TGFB3: variants seen among roughly 807,000 people sequenced by gnomAD.
The protein encoded by TGFB3 is transforming growth factor beta 3, also known as transforming growth factor beta-3 proprotein.
TGFB3 carries 5 observed loss-of-function variants against 40.1 expected under a neutral mutation model. The ratio of observed to expected loss-of-function variants is 0.12; its 90% CI spans 0.07 to 0.26. The LOEUF (loss-of-function observed/expected upper bound fraction) is 0.26, where lower values mean the gene tolerates loss of function less well. Ranked by LOEUF, TGFB3 falls within the 10% of genes least tolerant of loss-of-function variation. The pLI is 1.00. For synonymous variants in TGFB3, 184 were observed against 205.6 expected, an observed-to-expected ratio of 0.89 and a Z score of 0.90; for missense variants, 373 against 530.1, an observed-to-expected ratio of 0.70 and a Z score of 2.91.
intron 6 of TGFB3, 183 bp downstream of exon 6, chr14:75,960,740 A>C (rs1298371404): frequency 4.1e-6 from 3 of 723,550 alleles, no homozygotes; most frequent in African/African-American, 1.8e-5. Flanking sequence ...GGAATTTAAA[A>C]GGGCAGAATG....
intron 3 of TGFB3, among the ~76,000 whole-genome samples, chr14:75,968,776 TCAGC>T (rs2035252085): frequency 6.6e-6 from 1 of 152,202 alleles, no homozygotes; most frequent in African/African-American, 2.4e-5. Context: ...ATCTGCCAAC[TCAGC>T]CACTGGATAA....
At chr14:75,976,333 A>T (rs1454231121) in intron 1 of TGFB3, among the ~76,000 whole-genome samples, 2 of 152,068 alleles carry the variant, frequency 1.3e-5, no homozygotes, top group African/African-American at 4.8e-5. Context: ...TTTTTTCAAG[A>T]TCTCCAGATG....
chr14:75,965,500 T>G, intron 4 of TGFB3, 88 bp downstream of exon 4: 92 of 1,145,112 alleles, frequency 8.0e-5, no homozygotes, highest in Non-Finnish European at 1.0e-4. Context: ...TTTCTTTTCT[T>G]GAGGTCTGGT....
At chr14:75,972,159 G>T (rs1233098455) in intron 1 of TGFB3, among the ~76,000 whole-genome samples, 1 of 152,208 alleles carries the variant, frequency 6.6e-6, no homozygotes, top group African/African-American at 2.4e-5. Flanking sequence ...GTATTGAGCA[G>T]CTACTATATG....
chr14:75,969,766 A>G (rs1594787006), intron 3 of TGFB3, among the ~76,000 whole-genome samples: 1 of 152,170 alleles, frequency 6.6e-6, no homozygotes, highest in African/African-American at 2.4e-5. Flanking sequence ...CCCTATTTCA[A>G]TAAGTGATAC....
At chr14:75,972,020 C>T (rs539740605) in intron 1 of TGFB3, among the ~76,000 whole-genome samples, 4 of 152,318 alleles carry the variant, frequency 2.6e-5, no homozygotes, top group South Asian at 2.1e-4. Context: ...TTTTCCAACC[C>T]GTTTTTCCTA....
At chr14:75,977,277 C>T (rs940540052) in intron 1 of TGFB3, among the ~76,000 whole-genome samples, 14 of 152,150 alleles carry the variant, frequency 9.2e-5, no homozygotes, top group African/African-American at 3.1e-4. Flanking sequence ...TAAAATGACA[C>T]CTACATTGGT....
Position 75,971,354 on chromosome 14 carries a change from G to T in TGFB3, c.517-99C>A. 6.3e-7 allele frequency: 1 copy of T among 1,582,322 alleles called. No homozygotes were observed. The highest frequency in any genetic ancestry group is 8.6e-7 in the Non-Finnish European group (1 of 1,157,662). ...CAGGTGAGGGAGCGATAGGAAACCA[G>T]TGGTTCCTGAATGCCATGGCCCTCG... On this transcript the variant is annotated intron_variant, in intron 2 of 6. Coordinates refer to ENST00000238682, the MANE Select transcript of TGFB3 (RefSeq NM_003239.5). The surrounding 1 kb of genome is among the most constrained non-coding windows in gnomAD (Gnocchi z 4.5).
intron 4 of TGFB3, among the ~76,000 whole-genome samples, chr14:75,964,536 G>A (rs1171294353): frequency 1.3e-5 from 2 of 152,174 alleles, no homozygotes; most frequent in African/African-American, 4.8e-5. Flanking sequence ...TTTTGCGAAG[G>A]ACAGCTGCCA....
intron 1 of TGFB3, among the ~76,000 whole-genome samples, chr14:75,976,545 T>C (rs946882136): frequency 5.3e-5 from 8 of 152,134 alleles, no homozygotes; most frequent in African/African-American, 1.9e-4. Context: ...CCATAAACAT[T>C]TTAAGCCCAT....
Position 75,958,919 on chromosome 14 carries a change from C to T in TGFB3, c.*268G>A, listed in dbSNP as rs2035118910. Reference sequence around the variant, plus strand: ...TACCATCCCTTTCCTCTATCCCCATCCCCTCTGTCTGCGTCACAGAAAGTC... The same window carrying T: ...TACCATCCCTTTCCTCTATCCCCATTCCCTCTGTCTGCGTCACAGAAAGTC... On this transcript the variant is annotated 3_prime_UTR_variant, in exon 7 of 7. Transcript: ENST00000238682. 1 of 465,864 alleles carries T rather than the reference C, an allele frequency of 2.1e-6. No homozygotes were observed. The highest frequency in any genetic ancestry group is 2.0e-5 in the African/African-American group (1 of 50,574). 28.9% of individuals were successfully genotyped at this position (465,864 alleles called of 1,614,324 possible).
At position 75,980,708 on chromosome 14, in the gene TGFB3, C is replaced by T. The variant is rs2140254405; in HGVS notation, c.186G>A (p.Met62Ile). The T allele has an allele frequency of 6.2e-7, 1 of 1,614,190 alleles. No individual in the cohort carries two copies. The highest frequency in any genetic ancestry group is 8.5e-7 in the Non-Finnish European group (1 of 1,180,036). Residue 62 changes from methionine (M) to isoleucine (I), a missense_variant, in exon 1 of 7, where the codon ATG becomes ATA. Met to Ile is a conservative substitution (Grantham distance 10). Transcript: ENST00000238682. This position sits in a 1 kb window ranked among gnomAD's most constrained non-coding sequence, Gnocchi z 4.3. ...RLTSPPEPTV[M>I]THVPYQVLAL... is the part of the protein sequence containing the mutation. ...CCAGGACCTGATAGGGGACGTGGGTCATCACCGTTGGCTCAGGGGGGCTGG... is the reference window on the plus strand; with the variant it reads ...CCAGGACCTGATAGGGGACGTGGGTTATCACCGTTGGCTCAGGGGGGCTGG...
At chr14:75,967,476 C>T (rs1461210623) in intron 3 of TGFB3, among the ~76,000 whole-genome samples, 1 of 152,178 alleles carries the variant, frequency 6.6e-6, no homozygotes, top group South Asian at 2.1e-4. Flanking sequence ...GGCTACCTAA[C>T]AACACAGTGT....
At position 75,971,510 on chromosome 14, in the gene TGFB3, C is replaced by A. The variant is rs182054846; in HGVS notation, c.516+45G>T. The A allele has an allele frequency of 6.0e-4, 964 of 1,611,426 alleles. 1 individual carries two copies. The highest frequency in any genetic ancestry group is 7.7e-4 in the Non-Finnish European group (913 of 1,179,092). ...GTGGTGCCCTGATATGGCAAAGGAA[C>A]CAGCTTTCCCGTCGGTGTGGTTTCT... On this transcript the variant is annotated intron_variant, in intron 2 of 6. Transcript: ENST00000238682. This position sits in a 1 kb window ranked among gnomAD's most constrained non-coding sequence, Gnocchi z 4.5.
intron 1 of TGFB3, among the ~76,000 whole-genome samples, chr14:75,974,245 G>T (rs1357420695): frequency 1.3e-5 from 2 of 152,122 alleles, no homozygotes; most frequent in Non-Finnish European, 2.9e-5. Context: ...AGCTAAGAGA[G>T]TTCTCAGGAC....
rs1455224497 is a variant in TGFB3, at chr14:75,980,517, C to T, written c.352+25G>A. 6.8e-6 allele frequency: 11 copies of T among 1,611,176 alleles called. No individual in the cohort carries two copies. Among genetic ancestry groups the T allele is most frequent in the Admixed American group, 6.7e-5 (4 of 60,014 alleles). On this transcript the variant is annotated intron_variant, in intron 1 of 6. Transcript: ENST00000238682. This position sits in a 1 kb window ranked among gnomAD's most constrained non-coding sequence, Gnocchi z 4.3. ...TCCAGTTCAGACCCTCCAGAGCAGA[C>T]ACCCCAGCGAGAATTTGGACTTACT... is the stretch of plus-strand genomic sequence containing the variant.
intron 1 of TGFB3, among the ~76,000 whole-genome samples, chr14:75,973,246 C>T (rs1050385482): frequency 1.3e-5 from 2 of 152,206 alleles, no homozygotes; most frequent in Non-Finnish European, 2.9e-5. Flanking sequence ...TTGAGGAAGT[C>T]ACAGACAAGG....
At chr14:75,959,965 C>T (rs1330507797) in intron 6 of TGFB3, among the ~76,000 whole-genome samples, 3 of 63,854 alleles carry the variant, frequency 4.7e-5, no homozygotes, top group Non-Finnish European at 8.4e-5. Flanking sequence ...TTTTTTGAGT[C>T]AGAGTCTCAC....
In TGFB3 at chr14:75,958,896, C is replaced by T; in HGVS notation, c.*291G>A. The T allele has an allele frequency of 2.4e-6, 1 of 414,416 alleles. No homozygotes were observed. Among genetic ancestry groups the T allele is most frequent in the Non-Finnish European group, 4.6e-6 (1 of 219,238 alleles). 25.7% of individuals were successfully genotyped at this position (414,416 alleles called of 1,614,324 possible). A position where few individuals can be genotyped will look rare whatever the true frequency, so the allele number is the denominator to read the frequency against. ...CATTGCCACACAACATCTCAACTTA[C>T]CATCCCTTTCCTCTATCCCCATCCC... On this transcript the variant is annotated 3_prime_UTR_variant, in exon 7 of 7. Coordinates refer to ENST00000238682, the MANE Select transcript of TGFB3 (RefSeq NM_003239.5).
Sources: gnomAD v4.1 joint callset for allele counts (sites outside exome capture counted in the v4.1 genomes callset) on GRCh38, gnomAD v4.1.1 for gene constraint, Gnocchi (gnomAD v3.1) non-coding constraint, MANE v1.5 for transcripts, NCBI Gene and HGNC (gene_info 2026-07-23, HGNC 2026-07-21) for gene names.